Variants in RBFOX1 observed in about 807,000 individuals in gnomAD.
RBFOX1 encodes RNA binding fox-1 homolog 1, also known as RNA binding protein fox-1 homolog 1.
Under a neutral mutation model 57.7 loss-of-function variants are expected in RBFOX1, and 8 were observed. That is an observed-to-expected ratio of 0.14 (90% confidence interval 0.08 to 0.25). The LOEUF is 0.25. RBFOX1 is among the 10% of genes least tolerant of loss of function. RBFOX1 has a pLI of 1.00. For missense variants in RBFOX1, 611 were observed against 548.5 expected (o/e 1.11, Z -1.14); for synonymous variants, 326 against 222.4 (o/e 1.47, Z -4.15).
chr16:6,504,829 G>C (rs143754416), intron 2 of RBFOX1, among the ~76,000 whole-genome samples: 13,723 of 152,092 alleles, frequency 0.09, 718 homozygotes, highest in Middle Eastern at 0.13. Context: ...GCCGAGGTGG[G>C]TGAATCACGA....
chr16:5,518,279 G>C (rs2043869998), intron 2 of RBFOX1, among the ~76,000 whole-genome samples: 1 of 152,154 alleles, frequency 6.6e-6, no homozygotes, highest in Non-Finnish European at 1.5e-5. Flanking sequence ...GGGTTCTTCT[G>C]AGTTAGATGA....
At chr16:5,898,487 G>C (rs1421448270) in intron 4 of RBFOX1, among the ~76,000 whole-genome samples, 1 of 150,854 alleles carries the variant, frequency 6.6e-6, no homozygotes, top group East Asian at 1.9e-4. Flanking sequence ...GGCCTTTAAG[G>C]AGGAGTAATG....
rs867975291 is a variant in RBFOX1 at position 6,924,853 on chromosome 16, A to G, written c.-15-127204A>G. Among the ~76,000 whole-genome samples, 74 of 89,958 alleles carry G rather than the reference A, an allele frequency of 8.2e-4. No individual in the cohort carries two copies. The Middle Eastern group carries it at 0.025, about 30-fold the overall frequency. 59.0% of individuals were successfully genotyped at this position (89,958 alleles called of 152,430 possible). A position where few individuals can be genotyped will look rare whatever the true frequency, so the allele number is the denominator to read the frequency against. On this transcript the variant is annotated intron_variant, in intron 3 of 15. Transcript: ENST00000550418. ...CCCCTCCCCCTCCCCCTACCCCACA[A>G]CAGTCCCTGGTGTGTGATGTTCCCC...
At chr16:6,096,554 C>T (rs75650244) in intron 1 of RBFOX1, among the ~76,000 whole-genome samples, 1 of 152,270 alleles carries the variant, frequency 6.6e-6, no homozygotes, top group East Asian at 1.9e-4. Context: ...GAATTCTCTA[C>T]TCCTATGATG....
intron 1 of RBFOX1, among the ~76,000 whole-genome samples, chr16:5,384,646 A>C (rs2066211571): frequency 6.6e-6 from 1 of 152,180 alleles, no homozygotes; most frequent in Non-Finnish European, 1.5e-5. Flanking sequence ...AGTTGATAAA[A>C]ATGAAATTTT....
chr16:6,732,950 A>C (rs1191492788), intron 3 of RBFOX1, among the ~76,000 whole-genome samples: 1 of 152,164 alleles, frequency 6.6e-6, no homozygotes, highest in Non-Finnish European at 1.5e-5. Context: ...ATAAAGTAAG[A>C]GCTACTTTTA....
At chr16:6,749,242 C>G (rs1406672636) in intron 3 of RBFOX1, among the ~76,000 whole-genome samples, 2 of 152,234 alleles carry the variant, frequency 1.3e-5, no homozygotes, top group East Asian at 3.9e-4. Context: ...GTTGTCTGTC[C>G]CATCTGAGCC....
At chr16:7,177,776 C>G (rs1321189392) in intron 4 of RBFOX1, among the ~76,000 whole-genome samples, 5 of 152,206 alleles carry the variant, frequency 3.3e-5, no homozygotes, top group African/African-American at 1.2e-4. Context: ...AACTCCTCAA[C>G]TCTTCTGTTG....
intron 1 of RBFOX1, among the ~76,000 whole-genome samples, chr16:6,233,831 T>C (rs1421266579): frequency 6.6e-6 from 1 of 152,158 alleles, no homozygotes; most frequent in African/African-American, 2.4e-5. Context: ...TGTGGTTCAC[T>C]CTCTCTGGAA....
intron 5 of RBFOX1, among the ~76,000 whole-genome samples, chr16:7,559,206 G>A (rs1053701893): frequency 6.6e-6 from 1 of 152,130 alleles, no homozygotes; most frequent in Non-Finnish European, 1.5e-5. Flanking sequence ...ATAAAAGATC[G>A]AAAGTATCAA....
At chr16:7,664,814 G>C in intron 12 of RBFOX1, 115 bp from the exon 13 acceptor site, 2 of 1,582,412 alleles carry the variant, frequency 1.3e-6, no homozygotes, top group Non-Finnish European at 8.7e-7. Flanking sequence ...AACGATCCTC[G>C]GTTCCTGTGT....
At chr16:5,800,599 T>G (rs929240982) in intron 3 of RBFOX1, among the ~76,000 whole-genome samples, 1 of 151,978 alleles carries the variant, frequency 6.6e-6, no homozygotes, top group Non-Finnish European at 1.5e-5. Context: ...GATGGTGAAA[T>G]GGATGTGACC....
chr16:6,023,880 G>A (rs145348994), intron 1 of RBFOX1, among the ~76,000 whole-genome samples: 10 of 152,308 alleles, frequency 6.6e-5, no homozygotes, highest in African/African-American at 1.9e-4. Context: ...ATACTGCCTC[G>A]AGGCACAGGT....
intron 1 of RBFOX1, among the ~76,000 whole-genome samples, chr16:6,249,059 G>A (rs1274118468): frequency 6.6e-6 from 1 of 152,130 alleles, no homozygotes; most frequent in Non-Finnish European, 1.5e-5. Flanking sequence ...TATACATTTT[G>A]AGAATGCTGT....
intron 2 of RBFOX1, among the ~76,000 whole-genome samples, chr16:6,431,913 C>A (rs953353147): frequency 1.2e-4 from 17 of 136,962 alleles, no homozygotes; most frequent in African/African-American, 4.5e-4. Context: ...TTCTTTCTTT[C>A]TTTCTTTCTT....
intron 1 of RBFOX1, among the ~76,000 whole-genome samples, chr16:6,140,265 C>T (rs946419508): frequency 5.3e-5 from 8 of 151,358 alleles, no homozygotes; most frequent in African/African-American, 1.5e-4. Flanking sequence ...AATCTTGGCT[C>T]ACTGCAGCCT....
intron 14 of RBFOX1, among the ~76,000 whole-genome samples, chr16:7,678,772 C>G (rs577146323): frequency 1.3e-5 from 2 of 152,148 alleles, no homozygotes; most frequent in Non-Finnish European, 2.9e-5. Flanking sequence ...TTTTAAATTT[C>G]TGCATTTTGG....
chr16:7,649,301 A>G (rs1340042601), intron 11 of RBFOX1, among the ~76,000 whole-genome samples: 1 of 152,230 alleles, frequency 6.6e-6, no homozygotes, highest in East Asian at 1.9e-4. Context: ...TATATTTTGC[A>G]AGAATCAATA....
intron 2 of RBFOX1, among the ~76,000 whole-genome samples, chr16:6,542,717 C>T (rs190037557): frequency 6.6e-6 from 1 of 151,812 alleles, no homozygotes; most frequent in Non-Finnish European, 1.5e-5. Context: ...TGGTGTTGAT[C>T]TCCTGACCTC....
Sources: allele counts gnomAD v4.1 joint callset (sites outside exome capture counted in the v4.1 genomes callset), GRCh38; gene constraint gnomAD v4.1.1; transcripts MANE v1.5; gene names NCBI Gene and HGNC (gene_info 2026-07-23, HGNC 2026-07-21).